Variants in UBE3D observed in about 807,000 individuals in gnomAD.
The protein encoded by UBE3D is ubiquitin protein ligase E3D, also known as E3 ubiquitin-protein ligase E3D.
Under a neutral mutation model 49.6 loss-of-function variants are expected in UBE3D, and 48 were observed. That is an observed-to-expected ratio of 0.97 (90% CI 0.77 to 1.23). The LOEUF (loss-of-function observed/expected upper bound fraction) is 1.23. Ranked by LOEUF, UBE3D falls within the 50% of genes most tolerant of loss-of-function variation. The pLI, the probability that UBE3D is intolerant of heterozygous loss-of-function variation, is 0.00. For missense variants in UBE3D, 452 were observed against 468.4 expected, an observed-to-expected ratio of 0.96 and a Z score of 0.32; for synonymous variants, 189 against 174.2, an observed-to-expected ratio of 1.08 and a Z score of -0.67.
intron 3 of UBE3D, among the ~76,000 whole-genome samples, chr6:83,046,780 C>G (rs1000416521): frequency 6.6e-6 from 1 of 151,730 alleles, no homozygotes; most frequent in Non-Finnish European, 1.5e-5. Flanking sequence ...CACACAAAAT[C>G]TGCATATTAC....
At chr6:82,891,293 G>A (rs1770973975), downstream of UBE3D, among the ~76,000 whole-genome samples, 1 of 152,210 alleles carries the variant, frequency 6.6e-6, no homozygotes. Flanking sequence ...ATGGAATCTA[G>A]TGGGTAGAGG....
chr6:82,958,390 G>A (rs941061834), intron 8 of UBE3D, among the ~76,000 whole-genome samples: 1 of 151,978 alleles, frequency 6.6e-6, no homozygotes, highest in South Asian at 2.1e-4. Flanking sequence ...ATTTATATTG[G>A]TTTATATAAA....
chr6:83,030,209 T>A (rs112497214), intron 5 of UBE3D, among the ~76,000 whole-genome samples: 33 of 148,576 alleles, frequency 2.2e-4, no homozygotes, highest in African/African-American at 6.2e-4. Context: ...TAATTAAAAT[T>A]AAAAAAAAAA....
At chr6:82,958,171 G>A (rs1582466065) in intron 8 of UBE3D, among the ~76,000 whole-genome samples, 4 of 152,226 alleles carry the variant, frequency 2.6e-5, no homozygotes, top group Admixed American at 2.6e-4. Context: ...GAGGCAATGT[G>A]TAGAAAGTGA....
At chr6:82,913,672 T>C (rs1333823866) in intron 9 of UBE3D, among the ~76,000 whole-genome samples, 2 of 152,140 alleles carry the variant, frequency 1.3e-5, no homozygotes. Flanking sequence ...GATAAATCAG[T>C]TTACTTTTTG....
At chr6:82,999,952 A>G (rs568257285) in intron 8 of UBE3D, among the ~76,000 whole-genome samples, 2 of 152,310 alleles carry the variant, frequency 1.3e-5, no homozygotes, top group East Asian at 3.9e-4. Context: ...TCAACATCTT[A>G]CCTGACCTCT....
Position 82,978,547 on chromosome 6 carries a change from C to T in UBE3D, c.1011-21097G>A, listed in dbSNP as rs535749466. Among the ~76,000 whole-genome samples the T allele has an allele frequency of 3.3e-5, 5 of 152,280 alleles. No homozygotes were observed. The South Asian group carries it at 1.0e-3, about 32-fold the overall frequency. The stretch of plus-strand genomic sequence containing the variant: ...AAAGCAGCCTCATAAAAGTTTTACA[C>T]TTGCATATGAGTTTGAAACAAAAAA... On this transcript the variant is annotated intron_variant, in intron 8 of 9. Coordinates refer to ENST00000369747, the MANE Select transcript of UBE3D (RefSeq NM_198920.3).
intron 9 of UBE3D, among the ~76,000 whole-genome samples, chr6:82,925,945 T>C (rs1773717472): frequency 6.6e-6 from 1 of 152,148 alleles, no homozygotes; most frequent in African/African-American, 2.4e-5. Context: ...GGTGGTTAAG[T>C]ACATGATAGA....
At chr6:82,992,756 G>T (rs1171918864) in intron 8 of UBE3D, among the ~76,000 whole-genome samples, 1 of 152,040 alleles carries the variant, frequency 6.6e-6, no homozygotes, top group Non-Finnish European at 1.5e-5. Flanking sequence ...CCAGCATACT[G>T]GACAGGTTCA....
chr6:82,989,322 G>A (rs1778729475), intron 8 of UBE3D, among the ~76,000 whole-genome samples: 2 of 151,870 alleles, frequency 1.3e-5, no homozygotes, highest in Non-Finnish European at 2.9e-5. Flanking sequence ...ACTCCGATGG[G>A]GTTTGGGGAG....
At chr6:82,941,814 G>A (rs1053252457) in intron 9 of UBE3D, among the ~76,000 whole-genome samples, 9 of 152,176 alleles carry the variant, frequency 5.9e-5, no homozygotes, top group African/African-American at 2.2e-4. Context: ...GCCCTGTGAA[G>A]AGGTACCTTC....
In UBE3D at chr6:83,041,188, T is replaced by A. The variant is rs112098128; in HGVS notation, c.598-2703A>T. ...GAATTTTTCTATTTGAAGCAGAAAATTTTTTTTCAAGTGCTTTGATATGTA... is the reference window on the plus strand; with the variant it reads ...GAATTTTTCTATTTGAAGCAGAAAAATTTTTTTCAAGTGCTTTGATATGTA... On this transcript the variant is annotated intron_variant, in intron 4 of 9. Coordinates refer to ENST00000369747, the MANE Select transcript of UBE3D (RefSeq NM_198920.3). 9.6e-3 allele frequency among the ~76,000 whole-genome samples: 1,465 copies of A among 152,210 alleles called. 21 individuals carry two copies. The highest frequency in any genetic ancestry group is 0.033 in the African/African-American group (1,388 of 41,508).
intron 2 of UBE3D, among the ~76,000 whole-genome samples, chr6:83,057,494 A>G (rs548220608): frequency 6.6e-6 from 1 of 152,218 alleles, no homozygotes; most frequent in Non-Finnish European, 1.5e-5. Flanking sequence ...ATCAGGTCTT[A>G]TACAACTGCC....
At chr6:82,945,542 C>T (rs12204276) in intron 9 of UBE3D, among the ~76,000 whole-genome samples, 24,351 of 152,106 alleles carry the variant, frequency 0.16, 1,984 homozygotes, top group South Asian at 0.17. Context: ...CAGGTAAAAA[C>T]AAGCCCATGA....
intron 5 of UBE3D, among the ~76,000 whole-genome samples, chr6:83,035,175 T>C (rs1266199650): frequency 1.0e-5 from 1 of 95,896 alleles, no homozygotes; most frequent in East Asian, 3.5e-4. Flanking sequence ...AGTGAGACTA[T>C]GTCTCAAAAA....
intron 4 of UBE3D, 65 bp downstream of exon 4, chr6:83,044,363 A>G (rs1223749766): frequency 3.4e-5 from 51 of 1,486,144 alleles, no homozygotes; most frequent in Non-Finnish European, 4.3e-5. Context: ...AATTAGGAAA[A>G]GATTGAAGAA....
intron 9 of UBE3D, among the ~76,000 whole-genome samples, chr6:82,933,860 G>GCAA (rs1344646129): frequency 6.6e-6 from 1 of 152,172 alleles, no homozygotes; most frequent in Admixed American, 6.5e-5. Context: ...TGGACCAGAA[G>GCAA]CACACAGTGT....
Position 82,892,852 on chromosome 6 carries a change from T to C in UBE3D, c.*170A>G. 1 of 782,476 alleles carries C rather than the reference T, an allele frequency of 1.3e-6. No homozygotes were observed. Among genetic ancestry groups the C allele is most frequent in the South Asian group, 1.5e-5 (1 of 67,786 alleles). 48.5% of individuals were successfully genotyped at this position (782,476 alleles called of 1,614,324 possible). ...TTCAAAGATCTAAAGTTAACTCTTC[T>C]CTTAGAGAATACATGCAAACAAGTA... On this transcript the variant is annotated 3_prime_UTR_variant, in exon 10 of 10. Coordinates refer to ENST00000369747, the MANE Select transcript of UBE3D (RefSeq NM_198920.3).
At chr6:82,959,476 C>T (rs1776392825) in intron 8 of UBE3D, among the ~76,000 whole-genome samples, 1 of 151,828 alleles carries the variant, frequency 6.6e-6, no homozygotes, top group African/African-American at 2.4e-5. Flanking sequence ...CCTACAGCCT[C>T]TGAGGTCTAA....
Sources: allele counts gnomAD v4.1 joint callset (sites outside exome capture counted in the v4.1 genomes callset), GRCh38; gene constraint gnomAD v4.1.1; transcripts MANE v1.5; gene names NCBI Gene and HGNC (gene_info 2026-07-23, HGNC 2026-07-21).